Variants in KCNK10 observed in about 807,000 individuals in gnomAD.
KCNK10 encodes the protein potassium channel subfamily K member 10.
KCNK10 carries 25 observed loss-of-function variants against 47.7 expected under a neutral mutation model. The ratio of observed to expected loss-of-function variants is 0.52; its 90% CI spans 0.38 to 0.73. The LOEUF is 0.73. Ranked by LOEUF, KCNK10 falls within the 30% of genes least tolerant of loss-of-function variation. The pLI, the probability that KCNK10 is intolerant of heterozygous loss-of-function variation, is 0.00. For missense variants in KCNK10, 563 were observed against 714.5 expected (o/e 0.79, Z 2.42); for synonymous variants, 303 against 285.6 (o/e 1.06, Z -0.61).
intron 2 of KCNK10, among the ~76,000 whole-genome samples, chr14:88,261,701 A>G (rs1887116188): frequency 6.6e-6 from 1 of 152,126 alleles, no homozygotes; most frequent in Non-Finnish European, 1.5e-5. Flanking sequence ...TTGAACCTGC[A>G]ATGAGCCATG....
intron 2 of KCNK10, among the ~76,000 whole-genome samples, chr14:88,252,017 C>T (rs1277962555): frequency 1.3e-5 from 2 of 152,166 alleles, no homozygotes; most frequent in Non-Finnish European, 2.9e-5. Flanking sequence ...TAATAACATG[C>T]ATAAGGTTTG....
intron 1 of KCNK10, among the ~76,000 whole-genome samples, chr14:88,320,901 G>T (rs1429610760): frequency 6.6e-6 from 1 of 152,148 alleles, no homozygotes; most frequent in African/African-American, 2.4e-5. Flanking sequence ...ACAACACAGG[G>T]CTTGGAGGGG....
At chr14:88,236,810 C>CA (rs560248839) in intron 3 of KCNK10, among the ~76,000 whole-genome samples, 89 of 152,172 alleles carry the variant, frequency 5.8e-4, no homozygotes, top group African/African-American at 2.1e-3. Flanking sequence ...ACTTTATTAC[C>CA]AAAAATTCTA....
At chr14:88,270,971 C>T (rs1479980248) in intron 1 of KCNK10, 1 of 639,560 alleles carries the variant, frequency 1.6e-6, no homozygotes, top group African/African-American at 1.8e-5. Flanking sequence ...CACCCACTGC[C>T]ACGCCCCCAC....
intron 4 of KCNK10, among the ~76,000 whole-genome samples, chr14:88,211,850 C>T (rs1885466666): frequency 6.8e-6 from 1 of 146,852 alleles, no homozygotes; most frequent in African/African-American, 2.5e-5. Flanking sequence ...GAGCCGAGAT[C>T]GTGCCATTGC....
intron 1 of KCNK10, among the ~76,000 whole-genome samples, chr14:88,303,398 C>T (rs1888142468): frequency 6.6e-6 from 1 of 152,046 alleles, no homozygotes; most frequent in Admixed American, 6.6e-5. Flanking sequence ...AAGGAGCAGC[C>T]CCCATAAAGT....
At chr14:88,215,763 A>C (rs944790916) in intron 4 of KCNK10, among the ~76,000 whole-genome samples, 2 of 152,202 alleles carry the variant, frequency 1.3e-5, no homozygotes, top group African/African-American at 4.8e-5. Context: ...AGAGACAGAG[A>C]GACAGAGAGA....
chr14:88,228,044 C>A (rs1196659855), intron 3 of KCNK10, among the ~76,000 whole-genome samples: 2 of 152,130 alleles, frequency 1.3e-5, no homozygotes, highest in Non-Finnish European at 2.9e-5. Context: ...ATGAATTGTA[C>A]AGCCTTACCC....
chr14:88,288,956 A>G (rs1014254566), intron 1 of KCNK10, among the ~76,000 whole-genome samples: 33 of 152,214 alleles, frequency 2.2e-4, no homozygotes, highest in Admixed American at 2.0e-3. Context: ...ATTTTCCTCA[A>G]AGCAACTTAG....
At chr14:88,203,799 G>A (rs935626923) in intron 4 of KCNK10, among the ~76,000 whole-genome samples, 1 of 152,158 alleles carries the variant, frequency 6.6e-6, no homozygotes, top group African/African-American at 2.4e-5. Flanking sequence ...TAGAGCAGAG[G>A]TCAGCAATCC....
chr14:88,267,945 C>T (rs1175428772), intron 1 of KCNK10, among the ~76,000 whole-genome samples: 2 of 152,136 alleles, frequency 1.3e-5, no homozygotes, highest in Non-Finnish European at 2.9e-5. Flanking sequence ...ACATTCGGTC[C>T]TCACTACAAG....
intron 2 of KCNK10, among the ~76,000 whole-genome samples, chr14:88,258,976 C>T (rs1887036295): frequency 6.6e-6 from 1 of 152,212 alleles, no homozygotes. Flanking sequence ...TCAATCCAGC[C>T]AAGAGACATG....
Position 88,263,502 on chromosome 14 carries a change from G to T in KCNK10, c.102C>A (p.Asn34Lys). The T allele has an allele frequency of 6.2e-7, 1 of 1,613,402 alleles. No individual in the cohort carries two copies. The change falls in exon 2 of 7, where the codon AAC (asparagine) becomes AAA (lysine). Residue 34 changes from asparagine to lysine, a missense_variant. Physicochemically the swap from Asn to Lys is moderately conservative, Grantham distance 94. Transcript: ENST00000319231. ...APVCQPKSAT[N>K]GQPPAPAPTP... ...TCGGAGCCGGAGCCGGGGGTTGCCC[G>T]TTAGTGGCGCTCTTGGGCTGGCACA...
intron 1 of KCNK10, among the ~76,000 whole-genome samples, chr14:88,276,956 G>T (rs142516940): frequency 1.3e-5 from 2 of 152,334 alleles, no homozygotes; most frequent in African/African-American, 4.8e-5. Flanking sequence ...TTTACAAAAG[G>T]ATTTTCCATC....
intron 4 of KCNK10, among the ~76,000 whole-genome samples, chr14:88,221,541 G>T (rs893952353): frequency 6.6e-6 from 1 of 152,048 alleles, no homozygotes; most frequent in Non-Finnish European, 1.5e-5. Context: ...TCAGAACACC[G>T]ACAACAGCAA....
At chr14:88,254,552 C>A (rs546969608) in intron 2 of KCNK10, among the ~76,000 whole-genome samples, 14 of 152,296 alleles carry the variant, frequency 9.2e-5, no homozygotes, top group African/African-American at 3.4e-4. Context: ...CAAACCGAAG[C>A]ATTCATTCTA....
chr14:88,301,384 T>A (rs1888094503), intron 1 of KCNK10, among the ~76,000 whole-genome samples: 3 of 152,196 alleles, frequency 2.0e-5, no homozygotes, highest in African/African-American at 7.2e-5. Flanking sequence ...GAGATATCAT[T>A]GTACTGTTTT....
chr14:88,221,522 T>A (rs1378103965), intron 4 of KCNK10, among the ~76,000 whole-genome samples: 2 of 152,024 alleles, frequency 1.3e-5, no homozygotes, highest in Non-Finnish European at 2.9e-5. Context: ...CACTTAGAAT[T>A]GAGAAAATTC....
intron 1 of KCNK10, among the ~76,000 whole-genome samples, chr14:88,298,046 G>A (rs145152347): frequency 1.4e-4 from 22 of 152,262 alleles, no homozygotes; most frequent in East Asian, 5.8e-4. Context: ...GCCACCAACC[G>A]TAAGATCTTT....
Sources: allele counts gnomAD v4.1 joint callset (sites outside exome capture counted in the v4.1 genomes callset), GRCh38; gene constraint gnomAD v4.1.1; transcripts MANE v1.5; gene names NCBI Gene and HGNC (gene_info 2026-07-23, HGNC 2026-07-21).